Variants in COG4 observed in about 807,000 individuals in gnomAD.
COG4 encodes component of oligomeric golgi complex 4.
In COG4, 65 loss-of-function variants were observed where a neutral mutation model predicts 95.1. The ratio of observed to expected loss-of-function variants is 0.68; its 90% confidence interval spans 0.56 to 0.84. COG4 has a LOEUF of 0.84. Among genes scored for constraint, COG4 ranks in the 40% least tolerant of loss-of-function variants. COG4 has a pLI of 0.00. For synonymous variants in COG4, 421 were observed against 374.8 expected (o/e 1.12, Z -1.42); for missense variants, 1,045 against 989.1 (o/e 1.06, Z -0.76).
At position 70,502,213 on chromosome 16, in the gene COG4, C is replaced by T. The variant is rs539052967; in HGVS notation, c.1062-1122G>A. Reference sequence around the variant, plus strand: ...AGGAGAATCGCTTGAACCCGGGAGGCGGAGGTTGCAGTGAGCCAAGATCGC... The same window carrying T: ...AGGAGAATCGCTTGAACCCGGGAGGTGGAGGTTGCAGTGAGCCAAGATCGC... On this transcript the variant is annotated intron_variant, in intron 8 of 18. Transcript: ENST00000323786. Among the ~76,000 whole-genome samples the T allele has an allele frequency of 1.2e-4, 15 of 128,202 alleles. No individual in the cohort carries two copies. In the Admixed American group the frequency reaches 1.4e-3, roughly 12 times the overall value. 84.1% of individuals were successfully genotyped at this position (128,202 alleles called of 152,430 possible).
rs1185643115 is a variant in COG4 at position 70,512,329 on chromosome 16, C to A, written c.648G>T (p.Leu216=). ...KFAIATKEGD[L]PQVERFFKIF... is the part of the protein sequence containing the mutation. The stretch of plus-strand genomic sequence containing the variant: ...TCTTGAAGAAGCGCTCCACCTGGGG[C>A]AGATCACCTTCCTTGGTGGCAATGG... The change falls in exon 5 of 19, where the codon CTG becomes CTT. Residue 216 remains leucine, a synonymous_variant. Coordinates refer to ENST00000323786, the MANE Select transcript of COG4 (RefSeq NM_015386.3). 6.2e-7 allele frequency: 1 copy of A among 1,614,038 alleles called. No homozygotes were observed. The highest frequency in any genetic ancestry group is 1.3e-5 in the African/African-American group (1 of 74,936).
chr16:70,505,690 G>A (rs991046158), intron 8 of COG4, among the ~76,000 whole-genome samples: 6 of 151,292 alleles, frequency 4.0e-5, no homozygotes, highest in South Asian at 2.1e-4. Flanking sequence ...TTAGCCGGGC[G>A]TGGTGGCAGA....
intron 13 of COG4, among the ~76,000 whole-genome samples, chr16:70,487,066 G>A (rs1263974955): frequency 6.6e-6 from 1 of 151,838 alleles, no homozygotes; most frequent in African/African-American, 2.4e-5. Context: ...TGAGGTGGGC[G>A]GATCGCCTGA....
rs11645585 is a variant in COG4 at position 70,502,933 on chromosome 16, T to A, written c.1062-1842A>T. Among the ~76,000 whole-genome samples, 5 of 152,038 alleles carry A rather than the reference T, an allele frequency of 3.3e-5. No homozygotes were observed. In the South Asian group the frequency reaches 1.0e-3, roughly 31 times the overall value. On this transcript the variant is annotated intron_variant, in intron 8 of 18. Coordinates refer to ENST00000323786, the MANE Select transcript of COG4 (RefSeq NM_015386.3). ...CAATAAACAACGAAGGGTCTTTTCATCAAATTGTGCTAGGACAACTGAGAT... is the reference window on the plus strand; with the variant it reads ...CAATAAACAACGAAGGGTCTTTTCAACAAATTGTGCTAGGACAACTGAGAT...
At chr16:70,494,046 G>A (rs1288378077) in intron 12 of COG4, among the ~76,000 whole-genome samples, 1 of 152,196 alleles carries the variant, frequency 6.6e-6, no homozygotes, top group Non-Finnish European at 1.5e-5. Context: ...GTGTCCTGCA[G>A]CCAGTGCTGA....
rs1164948481 is a variant in COG4, at chr16:70,519,659, G to A, written c.244C>T (p.His82Tyr). Reference sequence around the variant, plus strand: ...GATGCACAGACTCACCCCATTCGGTGGAGAGTGACCATCTTACTTTCAATG... The same window carrying A: ...GATGCACAGACTCACCCCATTCGGTAGAGAGTGACCATCTTACTTTCAATG... ...NTIESKMVTL[H>Y]RMGPNLQLIE... Residue 82 changes from histidine (H) to tyrosine (Y), a missense_variant, in exon 2 of 19, where the codon CAC becomes TAC. By Grantham distance (83) the His-to-Tyr change is moderately conservative. Transcript: ENST00000323786. 1 of 1,612,578 alleles carries A rather than the reference G, an allele frequency of 6.2e-7. No individual in the cohort carries two copies. Among genetic ancestry groups the A allele is most frequent in the Non-Finnish European group, 8.5e-7 (1 of 1,178,700 alleles).
chr16:70,503,944 T>C (rs1198211447), intron 8 of COG4, among the ~76,000 whole-genome samples: 1 of 152,206 alleles, frequency 6.6e-6, no homozygotes, highest in Non-Finnish European at 1.5e-5. Flanking sequence ...TCCTCAGGAA[T>C]TATTTCTTCA....
rs11382671 is a variant in COG4, at chr16:70,495,397, C to CAAAAAAAAAAAAAAAAAAAA, written c.1647+868_1647+869insTTTTTTTTTTTTTTTTTTTT. ...GGGGAACAAGAGCAAGACTCCATCT[C>CAAAAAAAAAAAAAAAAAAAA]AAAAAAAAAAAAAAAAGAATCTGAT... On this transcript the variant is annotated intron_variant, in intron 12 of 18. Coordinates refer to ENST00000323786, the MANE Select transcript of COG4 (RefSeq NM_015386.3). 1.4e-3 allele frequency among the ~76,000 whole-genome samples: 159 copies of CAAAAAAAAAAAAAAAAAAAA among 111,252 alleles called. 8 individuals are homozygous for CAAAAAAAAAAAAAAAAAAAA. Among genetic ancestry groups the CAAAAAAAAAAAAAAAAAAAA allele is most frequent in the African/African-American group, 5.4e-3 (153 of 28,292 alleles). 73.0% of individuals were successfully genotyped at this position (111,252 alleles called of 152,430 possible).
At position 70,509,959 on chromosome 16, in the gene COG4, T is replaced by C. The variant is rs1304272604; in HGVS notation, c.801A>G (p.Arg267=). 6.2e-7 allele frequency: 1 copy of C among 1,613,958 alleles called. No individual in the cohort carries two copies. Among genetic ancestry groups the C allele is most frequent in the Non-Finnish European group, 8.5e-7 (1 of 1,179,924 alleles). Residue 267 remains arginine (R), a synonymous_variant, in exon 6 of 19, where the codon AGA becomes AGG. Transcript: ENST00000323786. ...GTGTATCTGCAAAGATGACTGCAGC[T>C]CTCCGATCACTCATGTCTGTCCCCA... is the stretch of plus-strand genomic sequence containing the variant. ...MVLGTDMSDR[R]AAVIFADTLT...
At chr16:70,481,719 C>T in intron 17 of COG4, 45 bp downstream of exon 17, 1 of 1,542,594 alleles carries the variant, frequency 6.5e-7, no homozygotes, top group Non-Finnish European at 8.9e-7. Context: ...ATGTCTTCCT[C>T]AGAGGAGAAA....
At chr16:70,513,978 C>G (rs535064127) in intron 4 of COG4, among the ~76,000 whole-genome samples, 2 of 152,208 alleles carry the variant, frequency 1.3e-5, no homozygotes, top group East Asian at 3.9e-4. Flanking sequence ...GAGGCCAAGG[C>G]GGGCAGATCA....
At chr16:70,520,374 TGGGGGGG>T (rs61397425) in intron 1 of COG4, among the ~76,000 whole-genome samples, 55 of 2,264 alleles carry the variant, frequency 0.024, no homozygotes, top group East Asian at 0.11. Flanking sequence ...ACCCGGGGGG[TGGGGGGG>T]GGGGGGGGCG....
At chr16:70,503,328 A>G (rs2049491204) in intron 8 of COG4, among the ~76,000 whole-genome samples, 1 of 152,248 alleles carries the variant, frequency 6.6e-6, no homozygotes, top group Non-Finnish European at 1.5e-5. Flanking sequence ...CTGGGGCTAC[A>G]GGTGTGAGCC....
intron 8 of COG4, among the ~76,000 whole-genome samples, chr16:70,502,579 C>A (rs970166831): frequency 2.0e-5 from 3 of 149,714 alleles, no homozygotes; most frequent in African/African-American, 7.5e-5. Context: ...CCAGCCTGGG[C>A]AACAAGAGTG....
rs2049662569 is a variant in COG4 at position 70,509,906 on chromosome 16, A to G, written c.844+10T>C. On this transcript the variant is annotated intron_variant, in intron 6 of 18. Coordinates refer to ENST00000323786, the MANE Select transcript of COG4 (RefSeq NM_015386.3). Reference sequence around the variant, plus strand: ...TCTCCAGTCTCTCTAGAGCGGAGAAAGAGGCTCACCTTCAAACAGAAGAGT... The same window carrying G: ...TCTCCAGTCTCTCTAGAGCGGAGAAGGAGGCTCACCTTCAAACAGAAGAGT... The G allele has an allele frequency of 6.2e-7, 1 of 1,607,166 alleles. No individual in the cohort carries two copies. The highest frequency in any genetic ancestry group is 1.7e-5 in the Admixed American group (1 of 59,972).
intron 3 of COG4, among the ~76,000 whole-genome samples, 187 bp downstream of exon 3, chr16:70,517,439 C>G (rs1322407620): frequency 6.6e-6 from 1 of 151,582 alleles, no homozygotes. Context: ...AATACAAAAA[C>G]TAGCTGGGCA....
intron 16 of COG4, 41 bp downstream of exon 16, chr16:70,482,051 G>T: frequency 2.0e-6 from 3 of 1,538,166 alleles, no homozygotes; most frequent in Non-Finnish European, 2.7e-6. Context: ...TTGGGCTGAC[G>T]TGGGTAATTC....
intron 8 of COG4, among the ~76,000 whole-genome samples, chr16:70,507,985 A>G (rs1412556469): frequency 6.6e-6 from 1 of 151,598 alleles, no homozygotes; most frequent in Non-Finnish European, 1.5e-5. Context: ...CAGTGGTGCA[A>G]TCTTGGCTCA....
intron 9 of COG4, among the ~76,000 whole-genome samples, chr16:70,499,254 A>C (rs1375161505): frequency 6.6e-6 from 1 of 152,120 alleles, no homozygotes; most frequent in Non-Finnish European, 1.5e-5. Context: ...ATTGTAATTA[A>C]ATTTGAATTT....
Sources: allele counts gnomAD v4.1 joint callset (sites outside exome capture counted in the v4.1 genomes callset), GRCh38; gene constraint gnomAD v4.1.1; transcripts MANE v1.5; gene names NCBI Gene and HGNC (gene_info 2026-07-23, HGNC 2026-07-21).